Variants in FOXJ3 observed in about 807,000 individuals in gnomAD.
FOXJ3 encodes forkhead box J3.
In FOXJ3, 22 loss-of-function variants were observed where a neutral mutation model predicts 76.1. That is an observed-to-expected ratio of 0.29 (90% CI 0.21 to 0.41). The LOEUF (loss-of-function observed/expected upper bound fraction) is 0.41, where lower values mean the gene tolerates loss of function less well. Among genes scored for constraint, FOXJ3 ranks in the 10% least tolerant of loss-of-function variants. The probability of loss-of-function intolerance (pLI) is 1.00; values close to 1 mark genes in which losing one functional copy is unlikely to be tolerated. For synonymous variants in FOXJ3, 269 were observed against 261.2 expected (o/e 1.03, Z -0.29); for missense variants, 613 against 762.1 (o/e 0.80, Z 2.30).
intron 3 of FOXJ3, among the ~76,000 whole-genome samples, chr1:42,266,639 A>T (rs569849904): frequency 6.6e-6 from 1 of 152,316 alleles, no homozygotes; most frequent in South Asian, 2.1e-4. Context: ...GCTCTTCTCC[A>T]TAGGTCTTTA....
intron 3 of FOXJ3, among the ~76,000 whole-genome samples, 175 bp downstream of exon 3, chr1:42,278,173 T>C (rs951385839): frequency 6.6e-6 from 1 of 152,126 alleles, no homozygotes; most frequent in Non-Finnish European, 1.5e-5. Context: ...AACACACTAA[T>C]AATCTACCAA....
intron 2 of FOXJ3, among the ~76,000 whole-genome samples, chr1:42,295,725 C>T (rs951837235): frequency 1.3e-5 from 2 of 152,006 alleles, no homozygotes; most frequent in African/African-American, 2.4e-5. Context: ...GACAAGGTTT[C>T]ACGATGTTGG....
At chr1:42,206,597 T>A (rs1261090388) in intron 5 of FOXJ3, among the ~76,000 whole-genome samples, 1 of 152,168 alleles carries the variant, frequency 6.6e-6, no homozygotes, top group East Asian at 1.9e-4. Context: ...TTTAAAACTT[T>A]TGCTATTTAT....
At chr1:42,209,046 A>G (rs1646914356) in intron 5 of FOXJ3, among the ~76,000 whole-genome samples, 1 of 152,206 alleles carries the variant, frequency 6.6e-6, no homozygotes, top group Admixed American at 6.5e-5. Flanking sequence ...TTGTAAGCCA[A>G]AACATTCTCT....
intron 6 of FOXJ3, among the ~76,000 whole-genome samples, chr1:42,200,183 T>C (rs1412851150): frequency 2.0e-5 from 3 of 152,122 alleles, no homozygotes; most frequent in Non-Finnish European, 4.4e-5. Context: ...TAGAAGCTCA[T>C]GTACTCTCCC....
chr1:42,303,059 C>G (rs1190907319), intron 2 of FOXJ3, among the ~76,000 whole-genome samples: 1 of 151,886 alleles, frequency 6.6e-6, no homozygotes, highest in Non-Finnish European at 1.5e-5. Flanking sequence ...CTCTTTTTTA[C>G]TTATTTTTTA....
intron 2 of FOXJ3, among the ~76,000 whole-genome samples, chr1:42,302,724 T>G (rs1002943438): frequency 2.6e-5 from 4 of 152,372 alleles, no homozygotes; most frequent in Non-Finnish European, 4.4e-5. Flanking sequence ...GCTTATTATA[T>G]CAAATCATTT....
At chr1:42,333,951 C>A (rs1656309843) in intron 1 of FOXJ3, among the ~76,000 whole-genome samples, 1 of 152,166 alleles carries the variant, frequency 6.6e-6, no homozygotes, top group South Asian at 2.1e-4. Context: ...ACAAATAAAT[C>A]TCAGAAAAAG....
Position 42,191,725 on chromosome 1 carries a change from A to C in FOXJ3, c.935-6T>G, listed in dbSNP as rs751802309. The C allele has an allele frequency of 6.9e-6, 11 of 1,605,248 alleles. No individual in the cohort carries two copies. In the South Asian group the frequency reaches 1.2e-4, roughly 18 times the overall value. On this transcript the variant is annotated splice_region_variant and splice_polypyrimidine_tract_variant and intron_variant, in intron 8 of 12. Coordinates refer to ENST00000361346, the MANE Select transcript of FOXJ3 (RefSeq NM_014947.5). Reference sequence around the variant, plus strand: ...AGAAGGGATGTTCATCAAACCTAAAAACAAAGCAAGATCATTTATGGTCAG... The same window carrying C: ...AGAAGGGATGTTCATCAAACCTAAACACAAAGCAAGATCATTTATGGTCAG...
chr1:42,309,238 T>G (rs1654658833), intron 2 of FOXJ3, among the ~76,000 whole-genome samples: 1 of 152,096 alleles, frequency 6.6e-6, no homozygotes, highest in African/African-American at 2.4e-5. Flanking sequence ...GCTGGGCAAT[T>G]GTAACACTTC....
chr1:42,220,517 T>C (rs1226135191), intron 5 of FOXJ3, among the ~76,000 whole-genome samples: 1 of 152,102 alleles, frequency 6.6e-6, no homozygotes, highest in Non-Finnish European at 1.5e-5. Context: ...TTACTACAAA[T>C]AACAGCAACT....
chr1:42,297,547 T>C (rs1480721086), intron 2 of FOXJ3, among the ~76,000 whole-genome samples: 1 of 152,214 alleles, frequency 6.6e-6, no homozygotes, highest in African/African-American at 2.4e-5. Context: ...TTGGTTCTAT[T>C]TATGTGGTGA....
chr1:42,252,041 T>C (rs920432463), intron 4 of FOXJ3, among the ~76,000 whole-genome samples: 3 of 152,084 alleles, frequency 2.0e-5, no homozygotes, highest in Non-Finnish European at 4.4e-5. Flanking sequence ...TTATTGAGGA[T>C]TTTTGCATCA....
intron 4 of FOXJ3, among the ~76,000 whole-genome samples, chr1:42,245,711 A>G (rs1448547208): frequency 1.4e-5 from 1 of 69,250 alleles, no homozygotes; most frequent in Non-Finnish European, 3.4e-5. Flanking sequence ...AGCTAACATC[A>G]TACCAAACTG....
In FOXJ3 at chr1:42,238,301, TGTGATTATG is replaced by T. The variant is rs561095946; in HGVS notation, c.445-10344_445-10336del. On this transcript the variant is annotated intron_variant, in intron 4 of 12. Coordinates refer to ENST00000361346, the MANE Select transcript of FOXJ3 (RefSeq NM_014947.5). ...CCGCCCACCTCAGTCTCCAAAGTGC[TGTGATTATG>T]GCATGGCCACCATGCCCAGCCGCCA... Among the ~76,000 whole-genome samples the T allele has an allele frequency of 1.6e-3, 243 of 152,250 alleles. 1 individual carries two copies. The highest frequency in any genetic ancestry group is 5.6e-3 in the African/African-American group (233 of 41,546).
chr1:42,187,355 C>G (rs1646458574), intron 11 of FOXJ3, among the ~76,000 whole-genome samples: 1 of 152,042 alleles, frequency 6.6e-6, no homozygotes, highest in Non-Finnish European at 1.5e-5. Context: ...TGACAGCACT[C>G]AGAAGCAACA....
rs186565365 is a variant in FOXJ3 at position 42,303,584 on chromosome 1, A to G, written c.44+7466T>C. Among the ~76,000 whole-genome samples, 418 of 152,312 alleles carry G rather than the reference A, an allele frequency of 2.7e-3. 2 individuals are homozygous for G. Among genetic ancestry groups the G allele is most frequent in the African/African-American group, 9.7e-3 (402 of 41,574 alleles). Reference sequence around the variant, plus strand: ...GGAAATTCATCTGGGGCATTCAACTATTTCTATGTGTTCCCTGGCATACGC... The same window carrying G: ...GGAAATTCATCTGGGGCATTCAACTGTTTCTATGTGTTCCCTGGCATACGC... On this transcript the variant is annotated intron_variant, in intron 2 of 12. Transcript: ENST00000361346.
At chr1:42,284,801 T>A (rs1652945334) in intron 2 of FOXJ3, among the ~76,000 whole-genome samples, 1 of 152,256 alleles carries the variant, frequency 6.6e-6, no homozygotes, top group Non-Finnish European at 1.5e-5. Context: ...AACTTGTGAC[T>A]GAAATTTAGC....
chr1:42,207,871 AATAACTCTTATTT>A (rs1159940280), intron 5 of FOXJ3, among the ~76,000 whole-genome samples: 1 of 152,182 alleles, frequency 6.6e-6, no homozygotes, highest in Non-Finnish European at 1.5e-5. Context: ...GAGCTATAAA[AATAACTCTTATTT>A]ATGCCTCAGT....
Sources: allele counts gnomAD v4.1 joint callset (sites outside exome capture counted in the v4.1 genomes callset), GRCh38; gene constraint gnomAD v4.1.1; transcripts MANE v1.5; gene names NCBI Gene and HGNC (gene_info 2026-07-23, HGNC 2026-07-21).